MPPE1: variants seen among roughly 807,000 people sequenced by gnomAD.
MPPE1 encodes metallo phosphoesterase.
MPPE1 carries 28 observed loss-of-function variants against 43.8 expected under a neutral mutation model. The observed-to-expected ratio is 0.64, with a 90% CI of 0.47 to 0.88. The LOEUF (loss-of-function observed/expected upper bound fraction) is 0.88, where lower values mean the gene tolerates loss of function less well. MPPE1 is among the 40% of genes least tolerant of loss of function. MPPE1 has a pLI of 0.00. For synonymous variants in MPPE1, 159 were observed against 188.5 expected (o/e 0.84, Z 1.28); for missense variants, 428 against 492.2 (o/e 0.87, Z 1.23).
chr18:11,904,068 C>A (rs551386770), intron 2 of MPPE1, among the ~76,000 whole-genome samples: 1 of 152,290 alleles, frequency 6.6e-6, no homozygotes, highest in South Asian at 2.1e-4. Flanking sequence ...ACCTTCTACC[C>A]CTAACATTCT....
rs776427148 is a variant in MPPE1 at position 11,897,087 on chromosome 18, C to G, written c.178G>C (p.Asp60His). ...NWPEVKTTAS[D>H]GEQTTREPVL... ...GGCTCACGTGTGGTCTGTTCACCAT[C>G]AGAGGCTGTGGTTTTCACTTCAGGC... Residue 60 changes from aspartate to histidine, a missense_variant, in exon 3 of 11, where the codon GAT becomes CAT. Physicochemically the swap from Asp to His is moderately conservative, Grantham distance 81. Around this residue, in one of 3 missense-constraint regions of MPPE1, gnomAD observed 48 missense variants for 73.5 expected, o/e 0.65. Transcript: ENST00000588072. The G allele has an allele frequency of 2.6e-6, 4 of 1,524,040 alleles. No individual in the cohort carries two copies. Among genetic ancestry groups the G allele is most frequent in the Admixed American group, 1.9e-5 (1 of 53,702 alleles). The allele number at this position is 1,524,040 out of a possible 1,614,324, so 94.4% of individuals were successfully genotyped here. A position where few individuals can be genotyped will look rare whatever the true frequency, so the allele number is the denominator to read the frequency against.
At chr18:11,885,584 A>G (rs2037094084) in intron 10 of MPPE1, 92 bp downstream of exon 10, 3 of 1,473,720 alleles carry the variant, frequency 2.0e-6, no homozygotes, top group East Asian at 2.3e-5. Flanking sequence ...GCTTTTGTAA[A>G]TTTTGACCGA....
At chr18:11,900,798 T>A (rs952189736) in intron 2 of MPPE1, among the ~76,000 whole-genome samples, 1 of 150,758 alleles carries the variant, frequency 6.6e-6, no homozygotes, top group Non-Finnish European at 1.5e-5. Flanking sequence ...TCCCAGCTAC[T>A]CGGGAGGATG....
At chr18:11,906,779 G>T (rs977358796) in intron 1 of MPPE1, among the ~76,000 whole-genome samples, 3 of 151,752 alleles carry the variant, frequency 2.0e-5, no homozygotes, top group Non-Finnish European at 2.9e-5. Flanking sequence ...GCTTGAATGC[G>T]GGAGGCGGAG....
chr18:11,891,581 C>G (rs1055965672), intron 4 of MPPE1: 1 of 152,058 alleles, frequency 6.6e-6, no homozygotes, highest in African/African-American at 2.4e-5. Context: ...TCTATCCAAC[C>G]TCATTTTGTA....
At chr18:11,891,610 T>C (rs1013969375) in intron 4 of MPPE1, 1 of 152,246 alleles carries the variant, frequency 6.6e-6, no homozygotes, top group Admixed American at 6.5e-5. Context: ...TTTTTACATA[T>C]AACATTTCCA....
rs2037248113 is a variant in MPPE1 at position 11,886,375 on chromosome 18, G to T, written c.867+124C>A. ...CAGGCCTCCACCCCTGTCCCCCCAG[G>T]TGATAACTAAGTCATGAACGTTTCA... is the stretch of plus-strand genomic sequence containing the variant. On this transcript the variant is annotated intron_variant, in intron 9 of 10. Transcript: ENST00000588072. This position sits in a 1 kb window ranked among gnomAD's most constrained non-coding sequence, Gnocchi z 4.1. 8.1e-6 allele frequency: 11 copies of T among 1,364,178 alleles called. No homozygotes were observed. The South Asian group carries it at 1.3e-4, about 16-fold the overall frequency. 84.5% of individuals were successfully genotyped at this position (1,364,178 alleles called of 1,614,324 possible).
At chr18:11,898,860 T>C (rs1216805257) in intron 2 of MPPE1, among the ~76,000 whole-genome samples, 1 of 151,890 alleles carries the variant, frequency 6.6e-6, no homozygotes, top group Admixed American at 6.6e-5. Flanking sequence ...TCAGAGAAAC[T>C]GATTTGAGTA....
Position 11,886,293 on chromosome 18 carries a change from T to C in MPPE1, c.867+206A>G, listed in dbSNP as rs957644981. On this transcript the variant is annotated intron_variant, in intron 9 of 10. Transcript: ENST00000588072. This position sits in a 1 kb window ranked among gnomAD's most constrained non-coding sequence, Gnocchi z 4.1. ...CTGACTTGAGGGTAGGAAACAGAAG[T>C]AGGTTTACTGGAAAAAAAAAAAGCG... 1.6e-6 allele frequency: 1 copy of C among 627,266 alleles called. No individual in the cohort carries two copies. Among genetic ancestry groups the C allele is most frequent in the East Asian group, 2.9e-5 (1 of 34,876 alleles). The allele number at this position is 627,266 out of a possible 1,614,324, so 38.9% of individuals were successfully genotyped here.
intron 10 of MPPE1, chr18:11,884,981 A>G: frequency 3.8e-6 from 5 of 1,302,940 alleles, no homozygotes; most frequent in Non-Finnish European, 5.0e-6. Context: ...GTCATCGGTC[A>G]GCGAGGAACA....
chr18:11,900,641 C>T (rs557384080), intron 2 of MPPE1, among the ~76,000 whole-genome samples: 2 of 152,094 alleles, frequency 1.3e-5, no homozygotes, highest in Non-Finnish European at 2.9e-5. Flanking sequence ...GGCACAGTGG[C>T]TCACACCTGT....
Position 11,882,817 on chromosome 18 carries a change from TACGGCTCTTTCTCAC to T in MPPE1, c.*1613_*1627del, listed in dbSNP as rs1470978598. ...TAATCTGAAGTATAAAGTCAAAAGA[TACGGCTCTTTCTCAC>T]ACTTGCAAGACTTACAAATACAGCC... On this transcript the variant is annotated 3_prime_UTR_variant, in exon 11 of 11. Transcript: ENST00000588072. 1 of 152,006 alleles carries T rather than the reference TACGGCTCTTTCTCAC, an allele frequency of 6.6e-6. No individual in the cohort carries two copies. Among genetic ancestry groups the T allele is most frequent in the African/African-American group, 2.4e-5 (1 of 41,376 alleles). The allele number at this position is 152,006 out of a possible 1,614,324, so 9.4% of individuals were successfully genotyped here. A position where few individuals can be genotyped will look rare whatever the true frequency, so the allele number is the denominator to read the frequency against.
At chr18:11,899,614 G>A (rs566494794) in intron 2 of MPPE1, among the ~76,000 whole-genome samples, 3 of 152,236 alleles carry the variant, frequency 2.0e-5, no homozygotes, top group East Asian at 1.9e-4. Context: ...CTTCAACTGC[G>A]CTCAAGATGA....
In MPPE1 at chr18:11,886,466, G is replaced by A; in HGVS notation, c.867+33C>T. On this transcript the variant is annotated intron_variant, in intron 9 of 10. Coordinates refer to ENST00000588072, the MANE Select transcript of MPPE1 (RefSeq NM_023075.6). The surrounding 1 kb of genome is among the most constrained non-coding windows in gnomAD (Gnocchi z 4.1). ...TGCAAGGTGATGAGAGTCACACTGT[G>A]ACATGAATTAGCATCACGACACCCT... 1 of 1,613,964 alleles carries A rather than the reference G, an allele frequency of 6.2e-7. No homozygotes were observed. Among genetic ancestry groups the A allele is most frequent in the Non-Finnish European group, 8.5e-7 (1 of 1,179,996 alleles).
rs150992638 is a variant in MPPE1, at chr18:11,898,759, T to A, written c.-92-1403A>T. ...CAGCACACAAGGACTGTTTTCCACA[T>A]CCCTATGATTTCATTCCCAACCAAT... is the stretch of plus-strand genomic sequence containing the variant. On this transcript the variant is annotated intron_variant, in intron 2 of 10. Transcript: ENST00000588072. Among the ~76,000 whole-genome samples the A allele has an allele frequency of 3.3e-3, 497 of 152,068 alleles. 1 individual carries two copies. Among genetic ancestry groups the A allele is most frequent in the Middle Eastern group, 6.8e-3 (2 of 294 alleles).
At chr18:11,895,693 C>T (rs1326047251) in intron 3 of MPPE1, among the ~76,000 whole-genome samples, 1 of 152,030 alleles carries the variant, frequency 6.6e-6, no homozygotes. Context: ...GGACTACAAG[C>T]GGGCATAAAG....
chr18:11,882,736 G>A lies in MPPE1; in HGVS notation c.*1709C>T, dbSNP rs1422447162. 2.0e-5 allele frequency: 3 copies of A among 149,906 alleles called. No homozygotes were observed. The highest frequency in any genetic ancestry group is 4.4e-5 in the Non-Finnish European group (3 of 67,778). 9.3% of individuals were successfully genotyped at this position (149,906 alleles called of 1,614,324 possible). ...CGTGTCAATGTTTGTGTCTGGCCTA[G>A]GAGAATGAGGATGACAGCTTCACTT... On this transcript the variant is annotated 3_prime_UTR_variant, in exon 11 of 11. Transcript: ENST00000588072.
chr18:11,894,507 C>T (rs2038373531), intron 3 of MPPE1, among the ~76,000 whole-genome samples: 1 of 150,580 alleles, frequency 6.6e-6, no homozygotes, highest in African/African-American at 2.4e-5. Flanking sequence ...CCAGCTCAAT[C>T]CATTGAAAAG....
chr18:11,904,477 C>A (rs1488223005), intron 2 of MPPE1, among the ~76,000 whole-genome samples: 1 of 152,088 alleles, frequency 6.6e-6, no homozygotes, highest in African/African-American at 2.4e-5. Context: ...TGCCACCACG[C>A]CCCACCAATT....
Sources: allele counts gnomAD v4.1 joint callset (sites outside exome capture counted in the v4.1 genomes callset), GRCh38; gene constraint gnomAD v4.1.1; regional missense constraint gnomAD v4.1.1; non-coding constraint Gnocchi (gnomAD v3.1); transcripts MANE v1.5; gene names NCBI Gene and HGNC (gene_info 2026-07-23, HGNC 2026-07-21).